CD226: variants seen among roughly 807,000 people sequenced by gnomAD.
CD226 encodes the protein CD226 antigen.
A neutral mutation model predicts 34.9 loss-of-function variants in CD226; 24 were observed. The observed-to-expected ratio is 0.69, with a 90% confidence interval of 0.50 to 0.97. CD226 has a LOEUF of 0.97. CD226 is among the 50% of genes least tolerant of loss of function. The pLI, the probability that CD226 is intolerant of heterozygous loss-of-function variation, is 0.00. For synonymous variants in CD226, 148 were observed against 147.4 expected (o/e 1.00, Z -0.03); for missense variants, 397 against 412.7 (o/e 0.96, Z 0.33).
chr18:69,907,695 G>A (rs957792705), intron 2 of CD226, among the ~76,000 whole-genome samples: 1 of 152,168 alleles, frequency 6.6e-6, no homozygotes, highest in Admixed American at 6.5e-5. Context: ...ACAGTGGCTG[G>A]GGATTGGGAG....
chr18:69,927,529 C>A (rs1480715815), intron 2 of CD226, among the ~76,000 whole-genome samples: 1 of 152,134 alleles, frequency 6.6e-6, no homozygotes, highest in East Asian at 1.9e-4. Context: ...CATTAAACAA[C>A]TCCCTGTTCT....
chr18:69,919,289 C>T (rs2055422714), intron 2 of CD226, among the ~76,000 whole-genome samples: 3 of 152,132 alleles, frequency 2.0e-5, no homozygotes, highest in African/African-American at 7.2e-5. Flanking sequence ...AATAACGGAG[C>T]AACCCAGGCA....
At chr18:69,934,112 G>A (rs2055621530) in intron 2 of CD226, among the ~76,000 whole-genome samples, 1 of 152,122 alleles carries the variant, frequency 6.6e-6, no homozygotes, top group Non-Finnish European at 1.5e-5. Flanking sequence ...TGAATTCTTT[G>A]GCTGTTTCTC....
At chr18:69,940,415 G>A (rs2055708903) in intron 2 of CD226, among the ~76,000 whole-genome samples, 1 of 152,228 alleles carries the variant, frequency 6.6e-6, no homozygotes, top group Non-Finnish European at 1.5e-5. Flanking sequence ...AGTTTTGAGG[G>A]CTCAGAAGAA....
intron 2 of CD226, among the ~76,000 whole-genome samples, chr18:69,930,573 A>C (rs1027389255): frequency 9.9e-5 from 15 of 152,208 alleles, no homozygotes; most frequent in Non-Finnish European, 2.2e-4. Flanking sequence ...CGAAAGAAAT[A>C]GGTGTCAAAA....
chr18:69,873,287 C>A, intron 3 of CD226, 41 bp from the exon 4 acceptor site: 3 of 1,029,852 alleles, frequency 2.9e-6, no homozygotes, highest in South Asian at 1.4e-5. Context: ...AGGAATTCAG[C>A]CAAAGGCAGT....
chr18:69,951,496 A>C (rs1156329774), upstream of CD226, among the ~76,000 whole-genome samples: 1 of 152,170 alleles, frequency 6.6e-6, no homozygotes. Context: ...GAAGGAAATC[A>C]GCCTGAGGAC....
intron 2 of CD226, among the ~76,000 whole-genome samples, chr18:69,919,499 TCAAA>T (rs1341989147): frequency 1.3e-5 from 2 of 152,184 alleles, no homozygotes; most frequent in Non-Finnish European, 2.9e-5. Context: ...ACAAAACTCT[TCAAA>T]CAATGTCTAG....
intron 2 of CD226, among the ~76,000 whole-genome samples, chr18:69,932,890 T>A (rs766997396): frequency 1.3e-5 from 2 of 152,180 alleles, no homozygotes; most frequent in African/African-American, 4.8e-5. Context: ...GAGCTTGAGA[T>A]GAGGGACTGG....
intron 2 of CD226, among the ~76,000 whole-genome samples, chr18:69,925,700 C>A (rs1208432127): frequency 6.6e-6 from 1 of 152,184 alleles, no homozygotes; most frequent in East Asian, 1.9e-4. Context: ...AAATAGACTT[C>A]TGCCCAGCCT....
chr18:69,956,839 G>A (rs1205400128), exon 1 of CD226: 1 of 152,206 alleles, frequency 6.6e-6, no homozygotes, highest in Non-Finnish European at 1.5e-5. Context: ...GTTTATCGTG[G>A]CCTCCTAGCC....
At chr18:69,867,614 G>A (rs1391598670) in intron 4 of CD226, among the ~76,000 whole-genome samples, 1 of 151,948 alleles carries the variant, frequency 6.6e-6, no homozygotes, top group Non-Finnish European at 1.5e-5. Context: ...CCCAGATGGT[G>A]AGGGCAACTA....
At chr18:69,879,344 A>G (rs1334343740) in intron 3 of CD226, among the ~76,000 whole-genome samples, 1 of 152,174 alleles carries the variant, frequency 6.6e-6, no homozygotes, top group African/African-American at 2.4e-5. Context: ...TGCATAAGGC[A>G]GACACCCCCC....
Position 69,895,688 on chromosome 18 carries a change from G to T in CD226, c.727+13C>A. 6.3e-7 allele frequency: 1 copy of T among 1,594,142 alleles called. No homozygotes were observed. Among genetic ancestry groups the T allele is most frequent in the Non-Finnish European group, 8.6e-7 (1 of 1,162,834 alleles). ...CCATGTTTGATACCAGAAGATGTCT[G>T]GTGCTCACTCACCCTCGGCTACAGT... is the stretch of plus-strand genomic sequence containing the variant. On this transcript the variant is annotated intron_variant, in intron 3 of 5. Coordinates refer to ENST00000582621, the MANE Select transcript of CD226 (RefSeq NM_001303618.2).
upstream of CD226, among the ~76,000 whole-genome samples, chr18:69,959,468 A>G (rs952242120): frequency 6.6e-6 from 1 of 152,216 alleles, no homozygotes; most frequent in Admixed American, 6.5e-5. Context: ...GCATCGCATC[A>G]GCTACCTCCT....
intron 2 of CD226, among the ~76,000 whole-genome samples, chr18:69,911,373 A>G (rs943083535): frequency 1.1e-4 from 16 of 152,192 alleles, no homozygotes; most frequent in African/African-American, 3.6e-4. Context: ...TAGAATATTG[A>G]GCTATTAAAA....
intron 2 of CD226, among the ~76,000 whole-genome samples, chr18:69,946,180 C>CAAAAAAA (rs60750165): frequency 7.5e-5 from 5 of 66,372 alleles, no homozygotes; most frequent in Non-Finnish European, 1.2e-4. Context: ...AAGACTCCAT[C>CAAAAAAA]AAAAAAAAAA....
At chr18:69,885,353 A>G (rs77580480) in intron 3 of CD226, among the ~76,000 whole-genome samples, 12,302 of 152,250 alleles carry the variant, frequency 0.081, 725 homozygotes, top group Non-Finnish European at 0.12. Flanking sequence ...CACTGTCCCT[A>G]AGGAAGGAGG....
rs1983005931 is a variant in CD226, at chr18:69,864,400, G to T, written c.925C>A (p.Pro309Thr). 1.2e-6 allele frequency: 2 copies of T among 1,613,404 alleles called. No individual in the cohort carries two copies. Among genetic ancestry groups the T allele is most frequent in the Non-Finnish European group, 1.7e-6 (2 of 1,179,420 alleles). Residue 309 changes from proline (P) to threonine (T), a missense_variant, in exon 6 of 6, where the codon CCT becomes ACT. Pro to Thr is a conservative substitution (Grantham distance 38, BLOSUM62 -1). Transcript: ENST00000582621. ...NYRSPISTSQ[P>T]TNQSMDDTRE... is the part of the protein sequence containing the mutation. ...GTATCATCCATGGATTGATTGGTAG[G>T]TTGACTGGTAGAGATGGGACTTCTA... is the stretch of plus-strand genomic sequence containing the variant.
Sources: gnomAD v4.1 joint callset for allele counts (sites outside exome capture counted in the v4.1 genomes callset) on GRCh38, gnomAD v4.1.1 for gene constraint, MANE v1.5 for transcripts, NCBI Gene and HGNC (gene_info 2026-07-23, HGNC 2026-07-21) for gene names.